Variants in SPECC1L observed in about 807,000 individuals in gnomAD.
The protein encoded by SPECC1L is sperm antigen with calponin homology and coiled-coil domains 1 like, also known as cytospin-A.
In SPECC1L, 40 loss-of-function variants were observed where a neutral mutation model predicts 116.8. The ratio of observed to expected loss-of-function variants is 0.34; its 90% CI spans 0.27 to 0.45. The LOEUF is 0.45. SPECC1L is among the 20% of genes least tolerant of loss of function. SPECC1L has a pLI of 1.00. For missense variants in SPECC1L, 1,110 were observed against 1,373.6 expected (o/e 0.81, Z 3.03); for synonymous variants, 504 against 500.6 (o/e 1.01, Z -0.09).
intron 2 of SPECC1L, among the ~76,000 whole-genome samples, chr22:24,289,049 G>A (rs1028753638): frequency 6.6e-6 from 1 of 152,174 alleles, no homozygotes; most frequent in African/African-American, 2.4e-5. Context: ...ATAGATTGAT[G>A]TTTTGAATTA....
intron 2 of SPECC1L, among the ~76,000 whole-genome samples, chr22:24,277,729 G>A (rs561692318): frequency 9.8e-5 from 15 of 152,308 alleles, no homozygotes; most frequent in African/African-American, 3.6e-4. Flanking sequence ...TATGCTGAAT[G>A]ATATACTTTA....
intron 2 of SPECC1L, among the ~76,000 whole-genome samples, chr22:24,281,546 G>A (rs973926382): frequency 6.6e-6 from 1 of 152,178 alleles, no homozygotes; most frequent in Admixed American, 6.5e-5. Context: ...GATGTGGTCA[G>A]ATTTACTTCT....
At position 24,322,752 on chromosome 22, in the gene SPECC1L, C is replaced by A; in HGVS notation, c.1772C>A (p.Ala591Glu). 1 of 1,580,782 alleles carries A rather than the reference C, an allele frequency of 6.3e-7. No individual in the cohort carries two copies. The change falls in exon 5 of 17, where the codon GCA becomes GAA. Residue 591 changes from alanine (A) to glutamate (E), a missense_variant. Physicochemically the swap from Ala to Glu is moderately radical, Grantham distance 107. Coordinates refer to ENST00000314328, the MANE Select transcript of SPECC1L (RefSeq NM_015330.6). ...AQLENEKQKV[A>E]ELYSIHNSGD... ...CTGGAGAATGAAAAGCAGAAAGTGG[C>A]AGAGCTGTATTCTATCCATAACTCT...
chr22:24,369,307 C>T lies in SPECC1L; in HGVS notation c.3074C>T (p.Thr1025Ile). 1 of 1,612,974 alleles carries T rather than the reference C, an allele frequency of 6.2e-7. No individual in the cohort carries two copies. Among genetic ancestry groups the T allele is most frequent in the Non-Finnish European group, 8.5e-7 (1 of 1,178,978 alleles). Residue 1025 changes from threonine to isoleucine, a missense_variant, in exon 14 of 17, where the codon ACA becomes ATA. Coordinates refer to ENST00000314328, the MANE Select transcript of SPECC1L (RefSeq NM_015330.6). Reference protein sequence around the residue: ...NALLKWCQKKTEGYQNIDITN... With the variant: ...NALLKWCQKKIEGYQNIDITN... ...TTGCTGAAGTGGTGTCAGAAGAAAA[C>T]AGAAGGCTATCAGGTAATCATATGA...
At chr22:24,388,063 G>A (rs191434265) in intron 14 of SPECC1L, among the ~76,000 whole-genome samples, 47 of 151,976 alleles carry the variant, frequency 3.1e-4, no homozygotes, top group African/African-American at 1.1e-3. Flanking sequence ...TCCTCTTCCT[G>A]TTCTTAAAAT....
At chr22:24,272,082 T>G (rs544082026) in intron 1 of SPECC1L, among the ~76,000 whole-genome samples, 16 of 152,304 alleles carry the variant, frequency 1.1e-4, no homozygotes, top group African/African-American at 3.9e-4. Context: ...TAATTTTTTC[T>G]TCGTAATTAA....
At chr22:24,407,590 C>T (rs929481352) in intron 14 of SPECC1L, among the ~76,000 whole-genome samples, 6 of 152,186 alleles carry the variant, frequency 3.9e-5, no homozygotes, top group African/African-American at 1.4e-4. Context: ...TGAATGTGAC[C>T]TCTGAGGGCC....
At position 24,302,290 on chromosome 22, in the gene SPECC1L, C is replaced by T. The variant is rs144546045; in HGVS notation, c.59C>T (p.Thr20Met). 124 of 1,613,920 alleles carry T rather than the reference C, an allele frequency of 7.7e-5. 1 individual carries two copies. The South Asian group carries it at 1.1e-3, about 14-fold the overall frequency. Residue 20 changes from threonine to methionine, a missense_variant, in exon 3 of 17, where the codon ACG becomes ATG. Physicochemically the swap from Thr to Met is moderately conservative, Grantham distance 81. Transcript: ENST00000314328. ...CCTAAAGTGTCTGCAATAAGTAAAA[C>T]GCAAACAGCAGAAAAAATTAAACCT... Reference protein sequence around the residue: ...SVPKVSAISKTQTAEKIKPEN... With the variant: ...SVPKVSAISKMQTAEKIKPEN...
At chr22:24,357,330 G>A (rs1303879681) in intron 11 of SPECC1L, among the ~76,000 whole-genome samples, 1 of 152,136 alleles carries the variant, frequency 6.6e-6, no homozygotes, top group Non-Finnish European at 1.5e-5. Flanking sequence ...GGGAGGCCAA[G>A]GCAAGAAGAT....
intron 14 of SPECC1L, among the ~76,000 whole-genome samples, chr22:24,388,090 T>G (rs1304632630): frequency 6.6e-6 from 1 of 152,090 alleles, no homozygotes; most frequent in Non-Finnish European, 1.5e-5. Flanking sequence ...TTTATTATTA[T>G]TATTATTATA....
chr22:24,383,792 ATTT>A (rs538972717), intron 14 of SPECC1L, among the ~76,000 whole-genome samples: 54 of 77,264 alleles, frequency 7.0e-4, no homozygotes, highest in African/African-American at 1.3e-3. Flanking sequence ...ACCCACCACT[ATTT>A]TTTTTTTTTT....
At chr22:24,331,276 CAGT>C (rs1400954337) in intron 8 of SPECC1L, among the ~76,000 whole-genome samples, 2 of 152,156 alleles carry the variant, frequency 1.3e-5, no homozygotes, top group Non-Finnish European at 2.9e-5. Context: ...AGAAAACTAA[CAGT>C]ATATCTTTAA....
rs2041685600 is a variant in SPECC1L at position 24,363,460 on chromosome 22, C to T, written c.2827+116C>T. 4 of 888,800 alleles carry T rather than the reference C, an allele frequency of 4.5e-6. No individual in the cohort carries two copies. The Admixed American group carries it at 7.7e-5, about 17-fold the overall frequency. 55.1% of individuals were successfully genotyped at this position (888,800 alleles called of 1,614,324 possible). On this transcript the variant is annotated intron_variant, in intron 12 of 16. Coordinates refer to ENST00000314328, the MANE Select transcript of SPECC1L (RefSeq NM_015330.6). The stretch of plus-strand genomic sequence containing the variant: ...CCTCAAGCTATGCTCTCACTGGCCT[C>T]AAGCTGTCCTCTCACCTTGGCCTTC...
intron 10 of SPECC1L, among the ~76,000 whole-genome samples, chr22:24,346,208 A>G (rs953023244): frequency 1.3e-5 from 2 of 151,828 alleles, no homozygotes; most frequent in African/African-American, 4.8e-5. Flanking sequence ...GGGTTCCACT[A>G]TATTGGCCAG....
Position 24,334,515 on chromosome 22 carries a change from C to T in SPECC1L, c.2502C>T (p.Ser834=). ...GACTGAGTAGAAGGTCCTCGACTTC[C>T]TCAGAGCCAACTCCTACAGTAAAAA... ...GMGLSRRSST[S]SEPTPTVKTL... Residue 834 remains serine, a synonymous_variant, in exon 9 of 17, where the codon TCC becomes TCT. Transcript: ENST00000314328. 1.2e-6 allele frequency: 2 copies of T among 1,614,142 alleles called. No homozygotes were observed. Among genetic ancestry groups the T allele is most frequent in the Non-Finnish European group, 1.7e-6 (2 of 1,180,016 alleles).
intron 2 of SPECC1L, among the ~76,000 whole-genome samples, chr22:24,288,943 A>C (rs936210680): frequency 2.0e-5 from 3 of 152,210 alleles, no homozygotes; most frequent in African/African-American, 7.2e-5. Context: ...CTTTTTAGAA[A>C]GGATTTTTTA....
chr22:24,356,028 T>C (rs139575138), intron 11 of SPECC1L, among the ~76,000 whole-genome samples: 5 of 152,180 alleles, frequency 3.3e-5, no homozygotes, highest in African/African-American at 4.8e-5. Flanking sequence ...ACCACTGATA[T>C]GTTTTTCATC....
At chr22:24,350,270 A>G (rs2041395557) in intron 11 of SPECC1L, among the ~76,000 whole-genome samples, 1 of 151,870 alleles carries the variant, frequency 6.6e-6, no homozygotes. Context: ...CTAACATCCC[A>G]TATGGTTTGT....
At chr22:24,322,953 C>T (rs769447406) in intron 5 of SPECC1L, 35 bp downstream of exon 5, 6 of 1,611,700 alleles carry the variant, frequency 3.7e-6, no homozygotes, top group Non-Finnish European at 4.2e-6. Flanking sequence ...TTCCGGACAG[C>T]ATTAGGCAGC....
Sources: allele counts gnomAD v4.1 joint callset (sites outside exome capture counted in the v4.1 genomes callset), GRCh38; gene constraint gnomAD v4.1.1; transcripts MANE v1.5; gene names NCBI Gene and HGNC (gene_info 2026-07-23, HGNC 2026-07-21).